The following CGAS variants were observed in gnomAD, a reference collection of about 807,000 sequenced individuals.
CGAS encodes the protein 2'3'-cGAMP synthase.
Under a neutral mutation model 34.0 loss-of-function variants are expected in CGAS, and 31 were observed. The ratio of observed to expected loss-of-function variants is 0.91; its 90% CI spans 0.69 to 1.23. The LOEUF (loss-of-function observed/expected upper bound fraction) is 1.23, where lower values mean the gene tolerates loss of function less well. CGAS is among the 50% of genes most tolerant of loss of function. The pLI, the probability that CGAS is intolerant of heterozygous loss-of-function variation, is 0.00. For synonymous variants in CGAS, 266 were observed against 260.0 expected (o/e 1.02, Z -0.22); for missense variants, 597 against 657.6 (o/e 0.91, Z 1.01).
At chr6:73,429,674 A>C (rs1313741126) in intron 3 of CGAS, among the ~76,000 whole-genome samples, 5 of 152,012 alleles carry the variant, frequency 3.3e-5, no homozygotes, top group East Asian at 3.9e-4. Context: ...AAAATACAAA[A>C]AATTAGCCGG....
rs200213844 is a variant in CGAS, at chr6:73,451,941, C to T, written c.241G>A (p.Ala81Thr). 1.3e-4 allele frequency: 195 copies of T among 1,497,502 alleles called. 1 individual carries two copies. Among genetic ancestry groups the T allele is most frequent in the Admixed American group, 5.2e-4 (22 of 42,226 alleles). 92.8% of individuals were successfully genotyped at this position (1,497,502 alleles called of 1,614,324 possible). The change falls in exon 1 of 5, where the codon GCC (alanine) becomes ACC (threonine). Residue 81 changes from alanine to threonine, a missense_variant. Around this residue, in one of 3 missense-constraint regions of CGAS, gnomAD observed 321 missense variants for 314.3 expected, o/e 1.02. Transcript: ENST00000370315. The part of the protein sequence containing the change: ...RPPVRATGAR[A>T]KKAPQRAQDT... ...TGGGCGCGCTGAGGGGCCTTTTTGG[C>T]GCGGGCCCCAGTTGCGCGGACGGGC...
rs530538276 is a variant in CGAS, at chr6:73,449,927, G to A, written c.657+1598C>T. 3.9e-5 allele frequency among the ~76,000 whole-genome samples: 6 copies of A among 151,920 alleles called. No homozygotes were observed. In the East Asian group the frequency reaches 1.2e-3, roughly 30 times the overall value. On this transcript the variant is annotated intron_variant, in intron 1 of 4. Transcript: ENST00000370315. ...GGAGAATCGCTTGAACCTGGAAGCC[G>A]GAGGTTGCAGCGAAACCTAGATGGC...
chr6:73,425,807 T>A (rs1770076588), intron 4 of CGAS, among the ~76,000 whole-genome samples: 1 of 151,786 alleles, frequency 6.6e-6, no homozygotes, highest in African/African-American at 2.4e-5. Flanking sequence ...AAACCCCGTC[T>A]CTACTAAAAA....
chr6:73,430,488 C>T (rs999369817), intron 3 of CGAS, among the ~76,000 whole-genome samples: 37 of 151,990 alleles, frequency 2.4e-4, no homozygotes, highest in Middle Eastern at 3.4e-3. Context: ...CGTGTGCCTA[C>T]ACATACCACA....
chr6:73,440,544 G>A, intron 2 of CGAS, 99 bp from the exon 3 acceptor site: 2 of 1,070,584 alleles, frequency 1.9e-6, no homozygotes, highest in East Asian at 2.5e-5. Context: ...TCTCTGGTGT[G>A]CTAAGTATGA....
At position 73,435,778 on chromosome 6, in the gene CGAS, TAAA is replaced by T. The variant is rs59217000; in HGVS notation, c.1114+4428_1114+4430del. Among the ~76,000 whole-genome samples the T allele has an allele frequency of 5.2e-3, 714 of 137,138 alleles. 3 individuals carry two copies. Among genetic ancestry groups the T allele is most frequent in the African/African-American group, 9.0e-3 (332 of 36,880 alleles). The allele number at this position is 137,138 out of a possible 152,430, so 90.0% of individuals were successfully genotyped here. A position where few individuals can be genotyped will look rare whatever the true frequency, so the allele number is the denominator to read the frequency against. ...ACATAGCAAGACCCTGTGTCTACTT[TAAA>T]AAAAAAAAAAAAAAAAGTGTACCTT... is the stretch of plus-strand genomic sequence containing the variant. On this transcript the variant is annotated intron_variant, in intron 3 of 4. Coordinates refer to ENST00000370315, the MANE Select transcript of CGAS (RefSeq NM_138441.3).
chr6:73,435,547 T>G (rs1016292203), intron 3 of CGAS, among the ~76,000 whole-genome samples: 1 of 152,058 alleles, frequency 6.6e-6, no homozygotes, highest in Non-Finnish European at 1.5e-5. Context: ...TGGAGTGAGA[T>G]CGAAAATATC....
intron 2 of CGAS, among the ~76,000 whole-genome samples, chr6:73,444,002 A>C (rs1000997305): frequency 1.3e-5 from 2 of 152,092 alleles, no homozygotes. Flanking sequence ...ATTTCATTTT[A>C]TTTTTGAGAC....
At chr6:73,445,265 T>C (rs1428865606) in intron 2 of CGAS, among the ~76,000 whole-genome samples, 2 of 151,780 alleles carry the variant, frequency 1.3e-5, no homozygotes, top group African/African-American at 4.8e-5. Context: ...TCAATATTCA[T>C]TGATTATCTA....
intron 2 of CGAS, among the ~76,000 whole-genome samples, chr6:73,441,889 G>A (rs1232339204): frequency 6.6e-6 from 1 of 151,836 alleles, no homozygotes; most frequent in Non-Finnish European, 1.5e-5. Flanking sequence ...TTTTTTTTGA[G>A]ACAAAGTCTT....
Position 73,425,050 on chromosome 6 carries a change from C to T in CGAS, c.*177G>A. ...TATATTTTTAGTAGAGATGGAGTTTCACCATGTTGGTCAGGCTGGTCTCAA... is the reference window on the plus strand; with the variant it reads ...TATATTTTTAGTAGAGATGGAGTTTTACCATGTTGGTCAGGCTGGTCTCAA... On this transcript the variant is annotated 3_prime_UTR_variant, in exon 5 of 5. Transcript: ENST00000370315. The T allele has an allele frequency of 2.3e-6, 1 of 438,468 alleles. No individual in the cohort carries two copies. 27.2% of individuals were successfully genotyped at this position (438,468 alleles called of 1,614,324 possible).
chr6:73,446,796 G>T (rs535558145), intron 1 of CGAS, among the ~76,000 whole-genome samples: 2 of 148,650 alleles, frequency 1.3e-5, no homozygotes, highest in Non-Finnish European at 3.0e-5. Flanking sequence ...GGTGGCTCAC[G>T]CTTGTAATCC....
intron 3 of CGAS, among the ~76,000 whole-genome samples, chr6:73,431,759 AC>A (rs1279679347): frequency 6.6e-6 from 1 of 152,246 alleles, no homozygotes; most frequent in Non-Finnish European, 1.5e-5. Context: ...ATCCAAACAT[AC>A]AAAAAAAGTA....
chr6:73,425,243 A>G lies in CGAS; in HGVS notation c.1553T>C (p.Val518Ala), dbSNP rs1770065010. 3.2e-6 allele frequency: 5 copies of G among 1,580,448 alleles called. No homozygotes were observed. The African/African-American group carries it at 6.8e-5, about 22-fold the overall frequency. The change falls in exon 5 of 5, where the codon GTT becomes GCT. Residue 518 changes from valine to alanine, a missense_variant. Around this residue, in one of 3 missense-constraint regions of CGAS, gnomAD observed 271 missense variants for 324.1 expected, o/e 0.84. Transcript: ENST00000370315. ...AATACAATCTCAAAATTCATCAAAA[A>G]CTGGAAACTCATTGTTTCTTTCATA... Reference protein sequence around the residue: ...IEYERNNEFPVFDEF With the variant: ...IEYERNNEFPAFDEF
In CGAS at chr6:73,451,779, G is replaced by C. The variant is rs1554146180; in HGVS notation, c.403C>G (p.Pro135Ala). 2.5e-6 allele frequency: 4 copies of C among 1,594,524 alleles called. No individual in the cohort carries two copies. The South Asian group carries it at 4.5e-5, about 18-fold the overall frequency. ...CTGGGCACGTCCCAGGGCCCGGGCG[G>C]AGGTCTTGGCTTCGTGGAGCAGCGC... is the stretch of plus-strand genomic sequence containing the variant. Reference protein sequence around the residue: ...GARCSTKPRPPPGPWDVPSPG... With the variant: ...GARCSTKPRPAPGPWDVPSPG... Residue 135 changes from proline (P) to alanine (A), a missense_variant, in exon 1 of 5, where the codon CCG becomes GCG. Pro to Ala is a conservative substitution (Grantham distance 27). Coordinates refer to ENST00000370315, the MANE Select transcript of CGAS (RefSeq NM_138441.3).
At chr6:73,450,300 A>G (rs781342899) in intron 1 of CGAS, among the ~76,000 whole-genome samples, 9 of 151,422 alleles carry the variant, frequency 5.9e-5, no homozygotes, top group Non-Finnish European at 1.3e-4. Flanking sequence ...TTGTAATCCC[A>G]TCTACTCAGG....
At chr6:73,431,346 C>A (rs762157952) in intron 3 of CGAS, among the ~76,000 whole-genome samples, 11 of 150,850 alleles carry the variant, frequency 7.3e-5, no homozygotes, top group Non-Finnish European at 1.5e-4. Flanking sequence ...TGGCACAAGC[C>A]TGTAATCCCA....
chr6:73,427,052 G>A (rs889722445), intron 4 of CGAS, among the ~76,000 whole-genome samples: 43 of 151,744 alleles, frequency 2.8e-4, no homozygotes, highest in African/African-American at 8.9e-4. Flanking sequence ...GTTTCATAAC[G>A]TTGGCCAGGC....
intron 2 of CGAS, 117 bp downstream of exon 2, chr6:73,445,411 C>T (rs776662452): frequency 1.4e-5 from 8 of 579,372 alleles, no homozygotes; most frequent in South Asian, 2.4e-5. Flanking sequence ...TGTTTCTTGA[C>T]CTCTCTACTG....
Sources: allele counts gnomAD v4.1 joint callset (sites outside exome capture counted in the v4.1 genomes callset), GRCh38; gene constraint gnomAD v4.1.1; regional missense constraint gnomAD v4.1.1; transcripts MANE v1.5; gene names NCBI Gene and HGNC (gene_info 2026-07-23, HGNC 2026-07-21).